Variants in SLC66A2 observed in about 807,000 individuals in gnomAD.
SLC66A2 encodes PQ loop repeat containing 1.
Under a neutral mutation model 25.5 loss-of-function variants are expected in SLC66A2, and 23 were observed. The ratio of observed to expected loss-of-function variants is 0.90; its 90% CI spans 0.65 to 1.28. The LOEUF (loss-of-function observed/expected upper bound fraction) is 1.28. Among genes scored for constraint, SLC66A2 ranks in the 50% most tolerant of loss-of-function variants. The probability of loss-of-function intolerance (pLI) is 0.00; values close to 1 mark genes in which losing one functional copy is unlikely to be tolerated. For missense variants in SLC66A2, 396 were observed against 373.1 expected (o/e 1.06, Z -0.51); for synonymous variants, 193 against 166.5 (o/e 1.16, Z -1.23).
intron 3 of SLC66A2, among the ~76,000 whole-genome samples, chr18:79,935,978 A>T (rs1014389160): frequency 6.6e-6 from 1 of 152,212 alleles, no homozygotes; most frequent in Non-Finnish European, 1.5e-5. Flanking sequence ...ATTTGGGGTA[A>T]CTTGTGGAGT....
intron 5 of SLC66A2, among the ~76,000 whole-genome samples, chr18:79,912,870 A>G (rs1983447283): frequency 1.3e-5 from 2 of 151,650 alleles, no homozygotes; most frequent in South Asian, 4.2e-4. Context: ...TGCAGCACTC[A>G]CTCCACTCAG....
In SLC66A2 at chr18:79,951,573, C is replaced by T. The variant is rs928051945; in HGVS notation, c.-100+8G>A. On this transcript the variant is annotated splice_region_variant and intron_variant, in intron 1 of 5. Transcript: ENST00000397778. Reference sequence around the variant, plus strand: ...CCGAGGACCCCGCGCCGCCCCCGCGCTCCTTACCTGCGCCCCCAGCCCCGC... The same window carrying T: ...CCGAGGACCCCGCGCCGCCCCCGCGTTCCTTACCTGCGCCCCCAGCCCCGC... 1.3e-5 allele frequency: 2 copies of T among 151,918 alleles called. No individual in the cohort carries two copies. Among genetic ancestry groups the T allele is most frequent in the African/African-American group, 4.8e-5 (2 of 41,278 alleles). 9.4% of individuals were successfully genotyped at this position (151,918 alleles called of 1,614,324 possible). A position where few individuals can be genotyped will look rare whatever the true frequency, so the allele number is the denominator to read the frequency against.
intron 2 of SLC66A2, among the ~76,000 whole-genome samples, chr18:79,947,852 A>G (rs948391569): frequency 6.6e-6 from 1 of 152,078 alleles, no homozygotes; most frequent in Non-Finnish European, 1.5e-5. Flanking sequence ...GGCTCCCAAG[A>G]GAGAAACAGA....
At chr18:79,916,702 G>C (rs1984213293) in intron 5 of SLC66A2, among the ~76,000 whole-genome samples, 1 of 152,258 alleles carries the variant, frequency 6.6e-6, no homozygotes. Flanking sequence ...CACTCCACGA[G>C]ACCGAGCTCC....
chr18:79,902,961 C>CCACT lies in SLC66A2; in HGVS notation c.*1011_*1014dup, dbSNP rs1981435036. 1 of 153,132 alleles carries CCACT rather than the reference C, an allele frequency of 6.5e-6. No homozygotes were observed. Among genetic ancestry groups the CCACT allele is most frequent in the Non-Finnish European group, 1.5e-5 (1 of 68,790 alleles). 9.5% of individuals were successfully genotyped at this position (153,132 alleles called of 1,614,324 possible). On this transcript the variant is annotated 3_prime_UTR_variant, in exon 6 of 6. Coordinates refer to ENST00000397778, the MANE Select transcript of SLC66A2 (RefSeq NM_025078.5). ...AGGATGCGGCAGGCCCCAGTACCCCCCACTCAGGAATTTGCTTCAGGCCAA... is the reference window on the plus strand; with the variant it reads ...AGGATGCGGCAGGCCCCAGTACCCCCCACTCACTCAGGAATTTGCTTCAGGCCAA...
chr18:79,929,333 C>T (rs1051804377), intron 4 of SLC66A2, among the ~76,000 whole-genome samples: 6 of 152,130 alleles, frequency 3.9e-5, no homozygotes, highest in African/African-American at 1.4e-4. Context: ...AGAAGCTTAA[C>T]GGGAAGATCA....
chr18:79,922,804 G>A (rs1405424028), intron 4 of SLC66A2, among the ~76,000 whole-genome samples: 2 of 146,764 alleles, frequency 1.4e-5, no homozygotes, highest in African/African-American at 5.1e-5. Flanking sequence ...GGGGGTTGGG[G>A]GTGCTGAGGG....
chr18:79,914,371 G>A lies in SLC66A2; in HGVS notation c.608+4813C>T, dbSNP rs111519899. 3.6e-3 allele frequency among the ~76,000 whole-genome samples: 546 copies of A among 152,304 alleles called. 1 individual carries two copies. Among genetic ancestry groups the A allele is most frequent in the Non-Finnish European group, 5.8e-3 (397 of 68,026 alleles). On this transcript the variant is annotated intron_variant, in intron 5 of 5. Transcript: ENST00000397778. Reference sequence around the variant, plus strand: ...CTTCAAGAATCACAACTCCTGACAGGGCTGGGGATACCACGACGCCCCCAT... The same window carrying A: ...CTTCAAGAATCACAACTCCTGACAGAGCTGGGGATACCACGACGCCCCCAT...
chr18:79,914,271 A>C (rs1193009869), intron 5 of SLC66A2, among the ~76,000 whole-genome samples: 1 of 152,222 alleles, frequency 6.6e-6, no homozygotes, highest in East Asian at 1.9e-4. Context: ...GTCATCTTAA[A>C]CACGACCCTG....
At chr18:79,947,553 C>T (rs905521904) in intron 2 of SLC66A2, among the ~76,000 whole-genome samples, 7 of 152,082 alleles carry the variant, frequency 4.6e-5, no homozygotes, top group Non-Finnish European at 7.4e-5. Context: ...CCCCGTCTCC[C>T]GCCCCTTCTC....
chr18:79,929,225 G>A (rs1191918915), intron 4 of SLC66A2, among the ~76,000 whole-genome samples: 3 of 152,144 alleles, frequency 2.0e-5, no homozygotes, highest in Non-Finnish European at 2.9e-5. Context: ...TGGCCCCAAT[G>A]GCCACCCTGC....
At chr18:79,909,914 C>A (rs1982770145) in intron 5 of SLC66A2, among the ~76,000 whole-genome samples, 1 of 134,642 alleles carries the variant, frequency 7.4e-6, no homozygotes, top group Non-Finnish European at 1.6e-5. Flanking sequence ...GAGTCCCCAA[C>A]CTTCCCCACC....
At chr18:79,935,921 A>G (rs556963793) in intron 3 of SLC66A2, among the ~76,000 whole-genome samples, 1 of 152,256 alleles carries the variant, frequency 6.6e-6, no homozygotes, top group Non-Finnish European at 1.5e-5. Context: ...AGCTCTGCCC[A>G]AAATGCACTC....
At chr18:79,914,282 GAGATT>G (rs1252237828) in intron 5 of SLC66A2, among the ~76,000 whole-genome samples, 1 of 152,226 alleles carries the variant, frequency 6.6e-6, no homozygotes, top group Non-Finnish European at 1.5e-5. Context: ...CACGACCCTG[GAGATT>G]ATACAGGAAG....
rs571760767 is a variant in SLC66A2 at position 79,918,614 on chromosome 18, G to T, written c.608+570C>A. On this transcript the variant is annotated intron_variant, in intron 5 of 5. Transcript: ENST00000397778. The surrounding 1 kb of genome is among the most constrained non-coding windows in gnomAD (Gnocchi z 4.0). ...TCCAGGACCTTGACTGAGCCCGTGG[G>T]CATCATGCTGCTCGCGTTGTGCCCT... Among the ~76,000 whole-genome samples, 76 of 152,370 alleles carry T rather than the reference G, an allele frequency of 5.0e-4. No homozygotes were observed. Among genetic ancestry groups the T allele is most frequent in the African/African-American group, 1.7e-3 (69 of 41,582 alleles).
intron 2 of SLC66A2, among the ~76,000 whole-genome samples, chr18:79,947,904 G>T (rs765554643): frequency 2.0e-5 from 3 of 152,132 alleles, no homozygotes; most frequent in Non-Finnish European, 4.4e-5. Context: ...CCTGGGGACC[G>T]GGTGGGCACA....
intron 5 of SLC66A2, among the ~76,000 whole-genome samples, chr18:79,907,173 GTTA>G (rs1257583324): frequency 2.0e-5 from 3 of 152,076 alleles, no homozygotes; most frequent in Non-Finnish European, 4.4e-5. Flanking sequence ...TACATTGAAT[GTTA>G]TTATTGACAG....
intron 5 of SLC66A2, among the ~76,000 whole-genome samples, chr18:79,905,194 C>A (rs1981912848): frequency 6.6e-6 from 1 of 152,376 alleles, no homozygotes; most frequent in Admixed American, 6.5e-5. Flanking sequence ...TATCATTACA[C>A]CCACTGGGAA....
At chr18:79,942,962 G>A (rs1018459800) in intron 3 of SLC66A2, among the ~76,000 whole-genome samples, 1 of 152,146 alleles carries the variant, frequency 6.6e-6, no homozygotes, top group Admixed American at 6.5e-5. Flanking sequence ...TTGTGTACAG[G>A]CCACGCACAC....
Sources: allele counts gnomAD v4.1 joint callset (sites outside exome capture counted in the v4.1 genomes callset), GRCh38; gene constraint gnomAD v4.1.1; non-coding constraint Gnocchi (gnomAD v3.1); transcripts MANE v1.5; gene names NCBI Gene and HGNC (gene_info 2026-07-23, HGNC 2026-07-21).